Variants in PBX4 observed in about 807,000 individuals in gnomAD.
PBX4 encodes pre-B-cell leukemia transcription factor 4.
In PBX4, 26 loss-of-function variants were observed where a neutral mutation model predicts 35.1. The ratio of observed to expected loss-of-function variants is 0.74; its 90% CI spans 0.54 to 1.03. PBX4 has a LOEUF of 1.03. Ranked by LOEUF, PBX4 falls within the 50% of genes least tolerant of loss-of-function variation. PBX4 has a pLI of 0.00. For missense variants in PBX4, 448 were observed against 504.3 expected (o/e 0.89, Z 1.07); for synonymous variants, 199 against 204.2 (o/e 0.97, Z 0.22).
chr19:19,605,416 AAATAATAAT>A (rs34936775), intron 1 of PBX4, among the ~76,000 whole-genome samples: 1,986 of 139,346 alleles, frequency 0.014, 71 homozygotes, highest in Admixed American at 0.074. Context: ...CTCTGTCTCA[AAATAATAAT>A]AATAATAATA....
At chr19:19,598,588 G>A (rs2061575096) in intron 2 of PBX4, among the ~76,000 whole-genome samples, 1 of 152,026 alleles carries the variant, frequency 6.6e-6, no homozygotes, top group South Asian at 2.1e-4. Flanking sequence ...GAGCCACTGT[G>A]CCCAGCCGAC....
At chr19:19,578,015 T>TAAA (rs34023797) in intron 2 of PBX4, among the ~76,000 whole-genome samples, 6 of 73,378 alleles carry the variant, frequency 8.2e-5, no homozygotes, top group Admixed American at 1.6e-4. Flanking sequence ...CCATCTCTAC[T>TAAA]AAAAAAAAAA....
chr19:19,616,584 A>G (rs1322251069), intron 1 of PBX4, among the ~76,000 whole-genome samples: 1 of 151,114 alleles, frequency 6.6e-6, no homozygotes, highest in Admixed American at 6.6e-5. Context: ...CCCAAAGTGC[A>G]GGGATTACAG....
At position 19,570,593 on chromosome 19, in the gene PBX4, T is replaced by C; in HGVS notation, c.434A>G (p.Tyr145Cys). The change falls in exon 3 of 8, where the codon TAT becomes TGT. Residue 145 changes from tyrosine (Y) to cysteine (C), a missense_variant. Transcript: ENST00000251203. ...TCCATGCAGAAAGATCACCTGTTCA[T>C]ATTTCTCTAGCTCAGAGTGGTAAAT... Reference protein sequence around the residue: ...RQIYHSELEKYEQACREFTTH... With the variant: ...RQIYHSELEKCEQACREFTTH... 6.2e-7 allele frequency: 1 copy of C among 1,613,732 alleles called. No individual in the cohort carries two copies. Among genetic ancestry groups the C allele is most frequent in the Non-Finnish European group, 8.5e-7 (1 of 1,179,650 alleles).
At chr19:19,616,385 T>C (rs1599387122) in intron 1 of PBX4, among the ~76,000 whole-genome samples, 5 of 152,218 alleles carry the variant, frequency 3.3e-5, no homozygotes, top group Non-Finnish European at 7.4e-5. Flanking sequence ...TGGAATGCAG[T>C]GGCGCTTGAA....
chr19:19,566,304 C>T (rs995658858), intron 5 of PBX4, among the ~76,000 whole-genome samples: 1 of 152,164 alleles, frequency 6.6e-6, no homozygotes, highest in South Asian at 2.1e-4. Context: ...GTATCCTTGG[C>T]ACCCACTGGG....
intron 2 of PBX4, chr19:19,588,154 A>T: frequency 8.5e-7 from 1 of 1,180,926 alleles, no homozygotes; most frequent in African/African-American, 1.5e-5. Context: ...CCAAATAGAC[A>T]ATCTTCAGGC....
chr19:19,589,946 G>GC (rs1159964306), intron 2 of PBX4, among the ~76,000 whole-genome samples: 2 of 152,130 alleles, frequency 1.3e-5, no homozygotes, highest in African/African-American at 4.8e-5. Context: ...CAGTGGTTAA[G>GC]CCCTAAGAGG....
intron 2 of PBX4, among the ~76,000 whole-genome samples, chr19:19,582,085 C>T (rs931730058): frequency 2.3e-4 from 35 of 152,260 alleles, no homozygotes; most frequent in Non-Finnish European, 4.1e-4. Context: ...CCAAGGCCCC[C>T]TACCTTTGGG....
intron 1 of PBX4, among the ~76,000 whole-genome samples, chr19:19,614,207 C>A (rs1477331655): frequency 6.6e-6 from 1 of 151,702 alleles, no homozygotes. Flanking sequence ...TGGTTTGAGG[C>A]TGTAGTCCCA....
chr19:19,590,706 T>C (rs1487122242), intron 2 of PBX4, among the ~76,000 whole-genome samples: 2 of 152,144 alleles, frequency 1.3e-5, no homozygotes, highest in Non-Finnish European at 2.9e-5. Flanking sequence ...TGACCTCAAA[T>C]GATCCCCCCA....
chr19:19,586,866 G>C (rs954024738), intron 2 of PBX4, among the ~76,000 whole-genome samples: 1 of 151,886 alleles, frequency 6.6e-6, no homozygotes, highest in Non-Finnish European at 1.5e-5. Context: ...AGGAGGTGAA[G>C]GTTACAGTGA....
At chr19:19,618,217 T>A (rs2061698283) in intron 1 of PBX4, among the ~76,000 whole-genome samples, 2 of 152,028 alleles carry the variant, frequency 1.3e-5, no homozygotes, top group African/African-American at 2.4e-5. Flanking sequence ...CATTTAGTCA[T>A]TCACTCGTCA....
intron 1 of PBX4, chr19:19,608,030 TTTAGAACTTATG>T (rs895981697): frequency 2.0e-5 from 3 of 152,136 alleles, no homozygotes; most frequent in African/African-American, 7.2e-5. Context: ...CAAACAAAAA[TTTAGAACTTATG>T]TTCCCTGCTC....
chr19:19,610,010 A>G (rs1428500511), intron 1 of PBX4, among the ~76,000 whole-genome samples: 2 of 152,208 alleles, frequency 1.3e-5, no homozygotes, highest in Admixed American at 6.5e-5. Context: ...AGTGAGTGGT[A>G]CTTGCTCCTT....
chr19:19,578,614 A>G (rs2061435241), intron 2 of PBX4, among the ~76,000 whole-genome samples: 2 of 152,180 alleles, frequency 1.3e-5, no homozygotes, highest in Non-Finnish European at 2.9e-5. Context: ...CCCCCTCCTC[A>G]AACTGCCAGG....
At chr19:19,591,556 G>A (rs565617095) in intron 2 of PBX4, among the ~76,000 whole-genome samples, 1 of 152,362 alleles carries the variant, frequency 6.6e-6, no homozygotes, top group Non-Finnish European at 1.5e-5. Flanking sequence ...TTGTTCCCCA[G>A]AGACACAGTC....
chr19:19,593,321 G>A (rs978649645), intron 2 of PBX4, among the ~76,000 whole-genome samples: 4 of 152,214 alleles, frequency 2.6e-5, no homozygotes, highest in East Asian at 1.9e-4. Flanking sequence ...CGAGAAGCAC[G>A]CCAGGACCCC....
intron 2 of PBX4, among the ~76,000 whole-genome samples, chr19:19,586,926 G>T (rs1010257639): frequency 1.3e-5 from 2 of 151,358 alleles, no homozygotes; most frequent in Non-Finnish European, 2.9e-5. Context: ...GTGAGATTCC[G>T]TCTCAAAAAA....
Sources: allele counts gnomAD v4.1 joint callset (sites outside exome capture counted in the v4.1 genomes callset), GRCh38; gene constraint gnomAD v4.1.1; transcripts MANE v1.5; gene names NCBI Gene and HGNC (gene_info 2026-07-23, HGNC 2026-07-21).